The following MTMR2 variants were observed in gnomAD, a reference collection of about 807,000 sequenced individuals.
MTMR2 encodes the protein myotubularin related protein 2, also known as phosphatidylinositol-3,5-bisphosphate 3-phosphatase MTMR2.
Under a neutral mutation model 86.9 loss-of-function variants are expected in MTMR2, and 55 were observed. That is an observed-to-expected ratio of 0.63 (90% CI 0.51 to 0.79). The LOEUF (loss-of-function observed/expected upper bound fraction) is 0.79, where lower values mean the gene tolerates loss of function less well. Among genes scored for constraint, MTMR2 ranks in the 30% least tolerant of loss-of-function variants. The pLI is 0.00. For synonymous variants in MTMR2, 241 were observed against 266.8 expected, an observed-to-expected ratio of 0.90 and a Z score of 0.94; for missense variants, 659 against 772.3, an observed-to-expected ratio of 0.85 and a Z score of 1.74.
chr11:95,836,714 G>T (rs1863303134), intron 13 of MTMR2, among the ~76,000 whole-genome samples: 5 of 151,944 alleles, frequency 3.3e-5, no homozygotes. Context: ...GCCATAAAAA[G>T]AAATGATATA....
chr11:95,920,676 G>A (rs1866887715), intron 1 of MTMR2, among the ~76,000 whole-genome samples: 1 of 147,396 alleles, frequency 6.8e-6, no homozygotes. Context: ...CTCATCACAT[G>A]TTTATTGTGA....
chr11:95,850,500 G>A (rs1167844984), intron 8 of MTMR2, 100 bp downstream of exon 8: 2 of 1,199,288 alleles, frequency 1.7e-6, no homozygotes, highest in African/African-American at 3.0e-5. Flanking sequence ...ACCTGCTGCT[G>A]TAGCTATTTA....
intron 2 of MTMR2, among the ~76,000 whole-genome samples, chr11:95,867,512 T>C (rs1864659449): frequency 6.6e-6 from 1 of 152,186 alleles, no homozygotes; most frequent in Admixed American, 6.5e-5. Flanking sequence ...ACACATAGGC[T>C]TTCTTATATT....
intron 1 of MTMR2, among the ~76,000 whole-genome samples, chr11:95,907,014 C>T (rs1303075825): frequency 6.6e-6 from 1 of 152,022 alleles, no homozygotes; most frequent in Non-Finnish European, 1.5e-5. Flanking sequence ...TAACCAAAAT[C>T]AGAGCTGAAC....
At chr11:95,843,867 A>G (rs1863656608) in intron 11 of MTMR2, among the ~76,000 whole-genome samples, 1 of 152,184 alleles carries the variant, frequency 6.6e-6, no homozygotes, top group African/African-American at 2.4e-5. Flanking sequence ...TAACTCACAT[A>G]AAGTTCTCTG....
In MTMR2 at chr11:95,847,703, C is replaced by T; in HGVS notation, c.1179+11G>A. The T allele has an allele frequency of 1.9e-6, 3 of 1,584,786 alleles. No homozygotes were observed. The highest frequency in any genetic ancestry group is 2.6e-6 in the Non-Finnish European group (3 of 1,156,008). On this transcript the variant is annotated intron_variant, in intron 10 of 14. Coordinates refer to ENST00000346299, the MANE Select transcript of MTMR2 (RefSeq NM_016156.6). ...AGAGTCTTTGTTTGGGATATAGTAA[C>T]ACACACCCACCTTAATATGTTCTAG...
intron 1 of MTMR2, among the ~76,000 whole-genome samples, chr11:95,909,655 C>G (rs147825692): frequency 6.6e-6 from 1 of 151,848 alleles, no homozygotes; most frequent in South Asian, 2.1e-4. Context: ...TTTTTTTAAC[C>G]TCCCCTCCAT....
intron 1 of MTMR2, among the ~76,000 whole-genome samples, chr11:95,898,626 T>C (rs1865964074): frequency 6.6e-6 from 1 of 152,202 alleles, no homozygotes; most frequent in African/African-American, 2.4e-5. Context: ...GTTTATATTA[T>C]GTGATTTTAC....
intron 2 of MTMR2, among the ~76,000 whole-genome samples, chr11:95,867,786 G>C (rs1864669328): frequency 7.6e-6 from 1 of 131,904 alleles, no homozygotes; most frequent in South Asian, 2.4e-4. Context: ...AATCAAACAG[G>C]AGAAAAGAGA....
chr11:95,888,093 T>G, intron 2 of MTMR2, 63 bp downstream of exon 2: 1 of 1,177,910 alleles, frequency 8.5e-7, no homozygotes, highest in Non-Finnish European at 1.3e-6. Context: ...GTTATATTGA[T>G]AGTGTTGGCC....
chr11:95,850,453 T>G, intron 8 of MTMR2, 147 bp downstream of exon 8: 1 of 855,648 alleles, frequency 1.2e-6, no homozygotes, highest in Non-Finnish European at 1.9e-6. Context: ...AGTTTTAACT[T>G]TACTAAATAA....
At chr11:95,873,576 G>GT (rs1188403282) in intron 2 of MTMR2, among the ~76,000 whole-genome samples, 1 of 151,996 alleles carries the variant, frequency 6.6e-6, no homozygotes, top group South Asian at 2.1e-4. Flanking sequence ...TTTTTGAAGG[G>GT]TTTTTTGTGT....
At chr11:95,870,037 G>T (rs1265360303) in intron 2 of MTMR2, among the ~76,000 whole-genome samples, 1 of 152,020 alleles carries the variant, frequency 6.6e-6, no homozygotes, top group Non-Finnish European at 1.5e-5. Flanking sequence ...TATTTCAATA[G>T]ATATAAATTT....
intron 1 of MTMR2, among the ~76,000 whole-genome samples, chr11:95,889,285 C>A (rs1426366710): frequency 6.6e-6 from 1 of 151,964 alleles, no homozygotes; most frequent in African/African-American, 2.4e-5. Context: ...AGGCACCTGC[C>A]CCCATACCTG....
At chr11:95,907,028 A>C (rs1866304476) in intron 1 of MTMR2, among the ~76,000 whole-genome samples, 1 of 152,174 alleles carries the variant, frequency 6.6e-6, no homozygotes, top group Non-Finnish European at 1.5e-5. Context: ...GCTGAACTGA[A>C]TGAAATTGAG....
At chr11:95,875,982 C>T (rs951867496) in intron 2 of MTMR2, among the ~76,000 whole-genome samples, 2 of 152,136 alleles carry the variant, frequency 1.3e-5, no homozygotes, top group African/African-American at 2.4e-5. Context: ...GAGAAGTACC[C>T]GGCCATGTGA....
At chr11:95,912,840 C>T (rs1866560419) in intron 1 of MTMR2, 1 of 151,986 alleles carries the variant, frequency 6.6e-6, no homozygotes, top group African/African-American at 2.4e-5. Flanking sequence ...TAGCGTACTT[C>T]ACAGAATACA....
At chr11:95,908,085 C>G (rs1362082611) in intron 1 of MTMR2, among the ~76,000 whole-genome samples, 1 of 151,890 alleles carries the variant, frequency 6.6e-6, no homozygotes, top group African/African-American at 2.4e-5. Flanking sequence ...TATTTCATAC[C>G]TAGTAAACCC....
intron 9 of MTMR2, 105 bp downstream of exon 9, chr11:95,849,569 T>C (rs1863934909): frequency 2.0e-6 from 2 of 1,022,282 alleles, no homozygotes; most frequent in Non-Finnish European, 3.1e-6. Context: ...CAAGAACCTA[T>C]ATGTTTACCA....
Sources: gnomAD v4.1 joint callset for allele counts (sites outside exome capture counted in the v4.1 genomes callset) on GRCh38, gnomAD v4.1.1 for gene constraint, MANE v1.5 for transcripts, NCBI Gene and HGNC (gene_info 2026-07-23, HGNC 2026-07-21) for gene names.